The following KAZN variants were observed in gnomAD, a reference collection of about 807,000 sequenced individuals.
The protein encoded by KAZN is kazrin.
KAZN carries 40 observed loss-of-function variants against 87.4 expected under a neutral mutation model. That is an observed-to-expected ratio of 0.46 (90% CI 0.36 to 0.60). KAZN has a LOEUF of 0.60. KAZN is among the 20% of genes least tolerant of loss of function. The pLI is 0.00. For synonymous variants in KAZN, 466 were observed against 458.3 expected, an observed-to-expected ratio of 1.02 and a Z score of -0.22; for missense variants, 898 against 1,073.9, an observed-to-expected ratio of 0.84 and a Z score of 2.29.
intron 2 of KAZN, among the ~76,000 whole-genome samples, chr1:15,007,932 G>A (rs985877251): frequency 2.6e-5 from 4 of 152,180 alleles, no homozygotes; most frequent in Admixed American, 1.3e-4. Context: ...GAGCCGTGCC[G>A]TCACCCAGCC....
intron 1 of KAZN, among the ~76,000 whole-genome samples, chr1:14,852,409 C>A (rs1324700811): frequency 6.6e-6 from 1 of 152,214 alleles, no homozygotes; most frequent in Non-Finnish European, 1.5e-5. Flanking sequence ...TCAGACGGTG[C>A]CAGGCCTGCG....
At chr1:14,695,508 A>ATTTTTTTTTTTTTTTTTTTTTTTT (rs1230082930) in intron 1 of KAZN, among the ~76,000 whole-genome samples, 6 of 67,806 alleles carry the variant, frequency 8.8e-5, no homozygotes, top group Admixed American at 1.3e-4. Flanking sequence ...ACTACATTCC[A>ATTTTTTTTTTTTTTTTTTTTTTTT]TCTTTTTTTT....
chr1:14,224,530 A>C (rs888958391), intron 2 of KAZN, among the ~76,000 whole-genome samples: 3 of 152,300 alleles, frequency 2.0e-5, no homozygotes, highest in Admixed American at 1.3e-4. Context: ...AGTTTTGCTT[A>C]ATCTCTTTGG....
At chr1:13,999,784 A>C (rs1403518102) in intron 1 of KAZN, among the ~76,000 whole-genome samples, 2 of 152,130 alleles carry the variant, frequency 1.3e-5, no homozygotes, top group Non-Finnish European at 2.9e-5. Flanking sequence ...TGAAAAAATT[A>C]ACAAAATAAA....
chr1:14,215,921 T>C (rs958740301), intron 2 of KAZN, among the ~76,000 whole-genome samples: 1 of 152,198 alleles, frequency 6.6e-6, no homozygotes, highest in African/African-American at 2.4e-5. Flanking sequence ...TAATTATATT[T>C]CTTTTTTCCC....
At chr1:14,381,427 A>G (rs918582001) in intron 2 of KAZN, among the ~76,000 whole-genome samples, 2 of 152,200 alleles carry the variant, frequency 1.3e-5, no homozygotes, top group Non-Finnish European at 2.9e-5. Context: ...AAAATATTGA[A>G]CAAAACACTA....
At chr1:14,951,265 G>T (rs914072746) in intron 1 of KAZN, among the ~76,000 whole-genome samples, 1 of 152,038 alleles carries the variant, frequency 6.6e-6, no homozygotes, top group Non-Finnish European at 1.5e-5. Context: ...TCTGCCCTGG[G>T]CAGTGGGCTC....
chr1:14,719,075 G>C (rs529444773), intron 1 of KAZN, among the ~76,000 whole-genome samples: 1 of 152,062 alleles, frequency 6.6e-6, no homozygotes, highest in East Asian at 1.9e-4. Flanking sequence ...ACCCACAGTC[G>C]CCATAGGACC....
At chr1:14,348,551 A>C (rs1451112494) in intron 2 of KAZN, among the ~76,000 whole-genome samples, 1 of 152,194 alleles carries the variant, frequency 6.6e-6, no homozygotes, top group Admixed American at 6.5e-5. Context: ...TGGCATGCTA[A>C]CCACCTCCCT....
At chr1:14,885,281 A>G (rs968401759) in intron 1 of KAZN, among the ~76,000 whole-genome samples, 1 of 151,860 alleles carries the variant, frequency 6.6e-6, no homozygotes, top group African/African-American at 2.4e-5. Flanking sequence ...AGCCACTCCT[A>G]CGTCCTTGCC....
chr1:14,514,419 T>TATATAAA (rs1671141352), intron 2 of KAZN, among the ~76,000 whole-genome samples: 2 of 44,540 alleles, frequency 4.5e-5, no homozygotes, highest in African/African-American at 1.6e-4. Context: ...TATATAAATA[T>TATATAAA]ATATATAATA....
At chr1:14,414,636 G>A (rs1488969154) in intron 2 of KAZN, among the ~76,000 whole-genome samples, 1 of 152,154 alleles carries the variant, frequency 6.6e-6, no homozygotes, top group Non-Finnish European at 1.5e-5. Context: ...GTGTATGTGT[G>A]TGTGTGTTAT....
At chr1:14,964,603 C>T (rs1370423435) in intron 2 of KAZN, among the ~76,000 whole-genome samples, 1 of 152,100 alleles carries the variant, frequency 6.6e-6, no homozygotes, top group Non-Finnish European at 1.5e-5. Flanking sequence ...GAGTCCAGGG[C>T]ATGGAAAGGG....
chr1:14,417,012 A>ATG (rs1557704671), intron 2 of KAZN, among the ~76,000 whole-genome samples: 4 of 3,688 alleles, frequency 1.1e-3, no homozygotes, highest in Non-Finnish European at 8.3e-3. Flanking sequence ...ATATATATGT[A>ATG]CACACACACA....
At chr1:14,104,551 G>C (rs1644328510) in intron 1 of KAZN, among the ~76,000 whole-genome samples, 1 of 152,178 alleles carries the variant, frequency 6.6e-6, no homozygotes, top group Non-Finnish European at 1.5e-5. Context: ...GAAAACCTCA[G>C]GATCGCAAAT....
chr1:14,620,599 C>A (rs982943912), intron 1 of KAZN, among the ~76,000 whole-genome samples: 1 of 152,176 alleles, frequency 6.6e-6, no homozygotes, highest in Admixed American at 6.5e-5. Context: ...CTTTCCTCTT[C>A]TTTCTGCTGC....
intron 13 of KAZN, among the ~76,000 whole-genome samples, chr1:15,111,051 T>C (rs1481816900): frequency 1.3e-5 from 2 of 152,170 alleles, no homozygotes; most frequent in African/African-American, 4.8e-5. Flanking sequence ...AGAGGGGCCA[T>C]TCATGAGGGC....
intron 2 of KAZN, among the ~76,000 whole-genome samples, chr1:14,408,630 AT>A (rs527684666): frequency 2.0e-5 from 3 of 152,172 alleles, no homozygotes; most frequent in Non-Finnish European, 4.4e-5. Flanking sequence ...TAACCTTCTT[AT>A]AAGGACACTT....
At chr1:14,274,845 T>C (rs1490254382) in intron 2 of KAZN, among the ~76,000 whole-genome samples, 1 of 152,138 alleles carries the variant, frequency 6.6e-6, no homozygotes, top group African/African-American at 2.4e-5. Flanking sequence ...TATTTCTTTT[T>C]TTTTTCTTTT....
Sources: allele counts gnomAD v4.1 joint callset (sites outside exome capture counted in the v4.1 genomes callset), GRCh38; gene constraint gnomAD v4.1.1; transcripts MANE v1.5; gene names NCBI Gene and HGNC (gene_info 2026-07-23, HGNC 2026-07-21).